Variants in MAP3K7CL observed in about 807,000 individuals in gnomAD.
MAP3K7CL encodes MAP3K7 C-terminal-like protein.
In MAP3K7CL, 16 loss-of-function variants were observed where a neutral mutation model predicts 18.6. That is an observed-to-expected ratio of 0.86 (90% confidence interval 0.58 to 1.31). The LOEUF (loss-of-function observed/expected upper bound fraction) is 1.31, where lower values mean the gene tolerates loss of function less well. MAP3K7CL is among the 50% of genes most tolerant of loss of function. MAP3K7CL has a pLI of 0.00. For missense variants in MAP3K7CL, 163 were observed against 174.4 expected (o/e 0.93, Z 0.37); for synonymous variants, 65 against 66.8 (o/e 0.97, Z 0.13).
intron 4 of MAP3K7CL, among the ~76,000 whole-genome samples, chr21:29,163,129 TAA>T (rs554835118): frequency 6.6e-6 from 1 of 151,648 alleles, no homozygotes; most frequent in Non-Finnish European, 1.5e-5. Context: ...AAATAAAAAA[TAA>T]AAAAAGGAAA....
intron 4 of MAP3K7CL, among the ~76,000 whole-genome samples, chr21:29,103,270 T>C (rs2146536724): frequency 6.6e-6 from 1 of 152,272 alleles, no homozygotes; most frequent in East Asian, 1.9e-4. Context: ...AAGCTGAAGA[T>C]GTTTACCATT....
intron 2 of MAP3K7CL, among the ~76,000 whole-genome samples, chr21:29,137,515 A>T (rs944216338): frequency 7.2e-5 from 11 of 152,178 alleles, no homozygotes; most frequent in African/African-American, 2.2e-4. Flanking sequence ...TACAGGACAG[A>T]TGCCATTCCT....
At chr21:29,096,568 G>A (rs2146515907) in intron 4 of MAP3K7CL, among the ~76,000 whole-genome samples, 1 of 152,320 alleles carries the variant, frequency 6.6e-6, no homozygotes, top group East Asian at 1.9e-4. Flanking sequence ...GCCCAGGGAT[G>A]AAAGAGCACA....
chr21:29,113,851 T>G lies in MAP3K7CL; in HGVS notation c.370+21270T>G, dbSNP rs183273432. On this transcript the variant is annotated intron_variant, in intron 4 of 6. Coordinates refer to the MAP3K7CL transcript ENST00000286791. ...CGGCCATATAATGCCTACTTAAGCA[T>G]CAATTGCTGGCCTGTTCAGTGTTGC... Among the ~76,000 whole-genome samples, 37 of 152,184 alleles carry G rather than the reference T, an allele frequency of 2.4e-4. No homozygotes were observed. The East Asian group carries it at 7.0e-3, about 29-fold the overall frequency.
At chr21:29,155,767 G>T (rs1202855895) in intron 3 of MAP3K7CL, among the ~76,000 whole-genome samples, 1 of 152,180 alleles carries the variant, frequency 6.6e-6, no homozygotes, top group Non-Finnish European at 1.5e-5. Flanking sequence ...GGAGATGGAG[G>T]AAAAGTGGGC....
chr21:29,090,269 A>G (rs951787581), intron 1 of MAP3K7CL, among the ~76,000 whole-genome samples: 5 of 152,244 alleles, frequency 3.3e-5, no homozygotes, highest in African/African-American at 9.6e-5. Context: ...AGATTATTCA[A>G]TGAAAGAAGT....
At chr21:29,169,137 C>T (rs1443015106) in intron 4 of MAP3K7CL, among the ~76,000 whole-genome samples, 4 of 152,198 alleles carry the variant, frequency 2.6e-5, no homozygotes, top group South Asian at 4.1e-4. Context: ...CTTCCTACAA[C>T]GCCAATGTAT....
chr21:29,105,783 A>G (rs569544696), intron 4 of MAP3K7CL, among the ~76,000 whole-genome samples: 4 of 152,174 alleles, frequency 2.6e-5, no homozygotes, highest in Non-Finnish European at 5.9e-5. Context: ...CCCACATTGT[A>G]TGGGACTAAG....
In MAP3K7CL at chr21:29,085,904, C is replaced by A. The variant is rs550445355; in HGVS notation, c.44C>A (p.Ala15Glu). 47 of 1,614,110 alleles carry A rather than the reference C, an allele frequency of 2.9e-5. No homozygotes were observed. Among genetic ancestry groups the A allele is most frequent in the Admixed American group, 1.5e-4 (9 of 60,026 alleles). ...CCTTTAGAAGTTATGTGGAACGAGG[C>A]AGCAGATCTTAAGGTATGTCCGCCT... The change falls in exon 1 of 7, where the codon GCA (alanine) becomes GAA (glutamate). Residue 15 changes from alanine (A) to glutamate (E), a missense_variant. By Grantham distance (107) the Ala-to-Glu change is moderately radical. Transcript: ENST00000286791.
intron 4 of MAP3K7CL, among the ~76,000 whole-genome samples, chr21:29,093,723 C>T (rs1215931279): frequency 6.6e-6 from 1 of 151,768 alleles, no homozygotes; most frequent in Non-Finnish European, 1.5e-5. Context: ...CTCCTCCTGA[C>T]CTTGCGATCC....
intron 4 of MAP3K7CL, among the ~76,000 whole-genome samples, chr21:29,114,943 A>G (rs1322532872): frequency 1.3e-5 from 2 of 152,322 alleles, no homozygotes; most frequent in East Asian, 3.9e-4. Flanking sequence ...GCTTCTCTCT[A>G]CAGGAGACTT....
At chr21:29,108,945 T>G (rs2086371640) in intron 4 of MAP3K7CL, 1 of 1,097,830 alleles carries the variant, frequency 9.1e-7, no homozygotes, top group Non-Finnish European at 1.3e-6. Context: ...GCATGAATGC[T>G]TTGGTTACAG....
rs554782081 is a variant in MAP3K7CL at position 29,138,718 on chromosome 21, A to G, written c.70+5304A>G. On this transcript the variant is annotated intron_variant, in intron 2 of 4. Coordinates refer to ENST00000399928, the MANE Select transcript of MAP3K7CL (RefSeq NM_001286620.2). ...TCTTTCTGGCCAGGCACGGTGGCTC[A>G]TACCTATAATCCCAGCACTCTGGGA... 1.5e-3 allele frequency among the ~76,000 whole-genome samples: 235 copies of G among 152,328 alleles called. 1 individual carries two copies. Among genetic ancestry groups the G allele is most frequent in the African/African-American group, 5.3e-3 (220 of 41,566 alleles).
At chr21:29,084,898 T>C (rs569846766), upstream of MAP3K7CL, among the ~76,000 whole-genome samples, 1 of 152,326 alleles carries the variant, frequency 6.6e-6, no homozygotes, top group African/African-American at 2.4e-5. Context: ...AGAAAGTTTA[T>C]TTAGGAAATG....
intron 4 of MAP3K7CL, among the ~76,000 whole-genome samples, chr21:29,111,561 A>T (rs2086420998): frequency 6.6e-6 from 1 of 152,080 alleles, no homozygotes; most frequent in Non-Finnish European, 1.5e-5. Flanking sequence ...TGAGAGCTTG[A>T]CTGTTTGCAT....
chr21:29,097,771 G>A (rs1328946782), intron 4 of MAP3K7CL, among the ~76,000 whole-genome samples: 1 of 152,076 alleles, frequency 6.6e-6, no homozygotes, highest in Non-Finnish European at 1.5e-5. Context: ...ACTGACTAAT[G>A]TTATAATATT....
intron 4 of MAP3K7CL, among the ~76,000 whole-genome samples, chr21:29,117,286 C>T (rs540171751): frequency 2.6e-5 from 4 of 152,246 alleles, no homozygotes; most frequent in East Asian, 1.9e-4. Flanking sequence ...TTAGCTGGAG[C>T]GGTGATGGAA....
At chr21:29,133,243 C>A in intron 1 of MAP3K7CL, 63 bp from the exon 2 acceptor site, 1 of 1,246,050 alleles carries the variant, frequency 8.0e-7, no homozygotes. Flanking sequence ...TTTCCAAGGG[C>A]CTCTGAGTAT....
At chr21:29,128,439 G>T (rs966500107), upstream of MAP3K7CL, among the ~76,000 whole-genome samples, 3 of 151,686 alleles carry the variant, frequency 2.0e-5, no homozygotes, top group Admixed American at 6.6e-5. Context: ...AGTAGCTGGG[G>T]CTACAGGCGC....
Sources: allele counts gnomAD v4.1 joint callset (sites outside exome capture counted in the v4.1 genomes callset), GRCh38; gene constraint gnomAD v4.1.1; transcripts MANE v1.5; gene names NCBI Gene and HGNC (gene_info 2026-07-23, HGNC 2026-07-21).